ACACA: variants seen among roughly 807,000 people sequenced by gnomAD.
ACACA encodes the protein acetyl-CoA carboxylase 1.
A neutral mutation model predicts 296.1 loss-of-function variants in ACACA; 103 were observed. The observed-to-expected ratio is 0.35, with a 90% confidence interval of 0.30 to 0.41. The LOEUF (loss-of-function observed/expected upper bound fraction) is 0.41. ACACA is among the 10% of genes least tolerant of loss of function. ACACA has a pLI of 1.00. For missense variants in ACACA, 1,554 were observed against 2,989.7 expected (o/e 0.52, Z 11.20); for synonymous variants, 953 against 1,038.6 (o/e 0.92, Z 1.58).
rs909144934 is a variant in ACACA, at chr17:37,141,934, G to A, written c.5679+7930C>T. On this transcript the variant is annotated intron_variant, in intron 45 of 55. Transcript: ENST00000616317. ...TCAAACCACTGACCTCAGGTGATCC[G>A]CCTGCCTCTGCCTCCCAAAGTGCTG... Among the ~76,000 whole-genome samples the A allele has an allele frequency of 4.6e-5, 7 of 150,736 alleles. No individual in the cohort carries two copies. The South Asian group carries it at 6.3e-4, about 14-fold the overall frequency.
rs202068969 is a variant in ACACA at position 37,389,316 on chromosome 17, A to G, written c.38+16946T>C. The G allele has an allele frequency of 1.0e-4, 164 of 1,597,350 alleles. No homozygotes were observed. The Admixed American group carries it at 2.8e-3, about 27-fold the overall frequency. ...TGGAGATGGCAAAAGAAGGGAGGCC[A>G]GCCACCTGGGACAGCTGAATCCAAG... On this transcript the variant is annotated intron_variant, in intron 1 of 55. Transcript: ENST00000616317.
intron 1 of ACACA, chr17:37,391,589 A>T (rs1334081385): frequency 6.7e-7 from 1 of 1,501,990 alleles, no homozygotes; most frequent in Non-Finnish European, 9.3e-7. Context: ...TTCTTGGTAC[A>T]TGAAGAACTA....
intron 45 of ACACA, among the ~76,000 whole-genome samples, chr17:37,143,228 T>C (rs1169475975): frequency 6.7e-6 from 1 of 148,616 alleles, no homozygotes; most frequent in African/African-American, 2.5e-5. Flanking sequence ...TTTTAACTAA[T>C]AAAAAAATTG....
chr17:37,094,493 G>A lies in ACACA; in HGVS notation c.6891+2503C>T, dbSNP rs141713501. ...AAGGATTAGAGGGTCACTTCCTGGT[G>A]CAAAGCCAGGGTCTAGACTCAGCCA... On this transcript the variant is annotated intron_variant, in intron 54 of 55. Transcript: ENST00000616317. Among the ~76,000 whole-genome samples, 625 of 151,834 alleles carry A rather than the reference G, an allele frequency of 4.1e-3. 5 individuals carry two copies. Among genetic ancestry groups the A allele is most frequent in the Non-Finnish European group, 7.1e-3 (481 of 67,966 alleles).
chr17:37,226,948 G>C (rs922957619), intron 25 of ACACA, among the ~76,000 whole-genome samples: 2 of 151,680 alleles, frequency 1.3e-5, no homozygotes, highest in Non-Finnish European at 2.9e-5. Flanking sequence ...AGAAACACAA[G>C]AATAAATTAT....
Position 37,141,297 on chromosome 17 carries a change from T to A in ACACA, c.5679+8567A>T, listed in dbSNP as rs982554561. The A allele has an allele frequency of 9.5e-6, 5 of 526,314 alleles. No homozygotes were observed. The African/African-American group carries it at 9.5e-5, about 10-fold the overall frequency. The allele number at this position is 526,314 out of a possible 1,614,324, so 32.6% of individuals were successfully genotyped here. Reference sequence around the variant, plus strand: ...CCAGGTGGCCCAACTTGGTCATCCATTCCTTGCCCTCAGCCTTGCCTCCAT... The same window carrying A: ...CCAGGTGGCCCAACTTGGTCATCCAATCCTTGCCCTCAGCCTTGCCTCCAT... On this transcript the variant is annotated intron_variant, in intron 45 of 55. Coordinates refer to ENST00000616317, the MANE Select transcript of ACACA (RefSeq NM_198834.3).
At position 37,390,411 on chromosome 17, in the gene ACACA, G is replaced by A. The variant is rs187934727; in HGVS notation, c.38+15851C>T. The stretch of plus-strand genomic sequence containing the variant: ...TGGGAGGCCAAGGCAGGTGGATCAC[G>A]AGGTCAAGAGATTGAGACCATCCTA... On this transcript the variant is annotated intron_variant, in intron 1 of 55. Coordinates refer to ENST00000616317, the MANE Select transcript of ACACA (RefSeq NM_198834.3). Among the ~76,000 whole-genome samples the A allele has an allele frequency of 4.6e-4, 62 of 134,872 alleles. 1 individual carries two copies. In the East Asian group the frequency reaches 0.013, roughly 27 times the overall value. The allele number at this position is 134,872 out of a possible 152,430, so 88.5% of individuals were successfully genotyped here.
chr17:37,403,720 G>GTAGA, intron 1 of ACACA, among the ~76,000 whole-genome samples: 1 of 152,276 alleles, frequency 6.6e-6, no homozygotes, highest in Admixed American at 6.5e-5. Context: ...ATTGGTCTAA[G>GTAGA]TAGAGCCTAA....
chr17:37,192,370 T>G, intron 36 of ACACA, 65 bp from the exon 37 acceptor site: 1 of 1,435,340 alleles, frequency 7.0e-7, no homozygotes, highest in Admixed American at 1.8e-5. Flanking sequence ...ACTATGAATG[T>G]GAATGTAAAA....
intron 43 of ACACA, among the ~76,000 whole-genome samples, chr17:37,152,229 G>A (rs1251014686): frequency 1.3e-5 from 2 of 152,166 alleles, no homozygotes; most frequent in African/African-American, 2.4e-5. Flanking sequence ...AGCAAACAAG[G>A]AAAAGGTTTG....
chr17:37,247,370 A>ATTTTTT (rs1555613954), intron 18 of ACACA, among the ~76,000 whole-genome samples: 1 of 107,636 alleles, frequency 9.3e-6, no homozygotes, highest in Non-Finnish European at 1.7e-5. Context: ...ACATTTGTGA[A>ATTTTTT]TTTCTTTTTT....
intron 1 of ACACA, among the ~76,000 whole-genome samples, chr17:37,397,229 T>C (rs1004298674): frequency 2.6e-5 from 4 of 152,170 alleles, no homozygotes; most frequent in Non-Finnish European, 5.9e-5. Flanking sequence ...TCCTTTCTTA[T>C]GGCTGCATAG....
intron 1 of ACACA, among the ~76,000 whole-genome samples, chr17:37,373,775 G>A (rs1269113036): frequency 6.6e-6 from 1 of 152,156 alleles, no homozygotes; most frequent in Non-Finnish European, 1.5e-5. Flanking sequence ...CTAATGTACA[G>A]AGAGTTTCAA....
rs1355247371 is a variant in ACACA at position 37,244,848 on chromosome 17, G to A, written c.2596-114C>T. The A allele has an allele frequency of 4.1e-6, 6 of 1,467,534 alleles. No individual in the cohort carries two copies. In the South Asian group the frequency reaches 4.6e-5, roughly 11 times the overall value. 90.9% of individuals were successfully genotyped at this position (1,467,534 alleles called of 1,614,324 possible). A position where few individuals can be genotyped will look rare whatever the true frequency, so the allele number is the denominator to read the frequency against. ...TCGAGACATCATACCCAGCTACCAG[G>A]AGGGAAGTCAATAGAGGAAACATCA... On this transcript the variant is annotated intron_variant, in intron 20 of 55. Coordinates refer to ENST00000616317, the MANE Select transcript of ACACA (RefSeq NM_198834.3).
intron 21 of ACACA, among the ~76,000 whole-genome samples, chr17:37,244,369 GAA>G (rs10668354): frequency 6.9e-6 from 1 of 144,178 alleles, no homozygotes. Context: ...CCGTCTCGAG[GAA>G]AAAAAAAAAG....
chr17:37,389,346 A>C (rs1177439368), intron 1 of ACACA: 3 of 1,587,824 alleles, frequency 1.9e-6, no homozygotes, highest in South Asian at 2.3e-5. Flanking sequence ...TCCAAGCCTG[A>C]CTCTCAGCCC....
chr17:37,253,155 G>C, intron 14 of ACACA, 119 bp from the exon 15 acceptor site: 1 of 1,403,584 alleles, frequency 7.1e-7, no homozygotes, highest in Non-Finnish European at 1.0e-6. Flanking sequence ...ACTTTGGGAG[G>C]CCAAGACAAG....
chr17:37,148,242 AAAC>A (rs1439581507), intron 45 of ACACA, among the ~76,000 whole-genome samples: 5 of 151,928 alleles, frequency 3.3e-5, no homozygotes, highest in Non-Finnish European at 5.9e-5. Context: ...AAAAAAAAAA[AAAC>A]AACAACCTTA....
At chr17:37,139,288 A>G (rs2075461819) in intron 45 of ACACA, among the ~76,000 whole-genome samples, 1 of 152,202 alleles carries the variant, frequency 6.6e-6, no homozygotes, top group South Asian at 2.1e-4. Flanking sequence ...TTAGAAACAG[A>G]CAGTGTAGAG....
Sources: gnomAD v4.1 joint callset for allele counts (sites outside exome capture counted in the v4.1 genomes callset) on GRCh38, gnomAD v4.1.1 for gene constraint, MANE v1.5 for transcripts, NCBI Gene and HGNC (gene_info 2026-07-23, HGNC 2026-07-21) for gene names.